The following GLB1 variants were observed in gnomAD, a reference collection of about 807,000 sequenced individuals.
GLB1 encodes galactosidase beta 1, also known as beta-galactosidase.
A neutral mutation model predicts 74.0 loss-of-function variants in GLB1; 56 were observed. The observed-to-expected ratio is 0.76, with a 90% CI of 0.61 to 0.94. The LOEUF (loss-of-function observed/expected upper bound fraction) is 0.94, where lower values mean the gene tolerates loss of function less well. GLB1 is among the 40% of genes least tolerant of loss of function. The pLI is 0.00. For missense variants in GLB1, 787 were observed against 845.5 expected (o/e 0.93, Z 0.86); for synonymous variants, 323 against 323.6 (o/e 1.00, Z 0.02).
At chr3:33,069,391 A>G (rs556487350) in intron 2 of GLB1, among the ~76,000 whole-genome samples, 6 of 151,770 alleles carry the variant, frequency 4.0e-5, no homozygotes, top group Non-Finnish European at 8.9e-5. Context: ...TGTCAAAATA[A>G]AGAAAGAAAA....
downstream of GLB1, among the ~76,000 whole-genome samples, chr3:32,994,211 G>A (rs1260649389): frequency 6.6e-6 from 1 of 152,068 alleles, no homozygotes; most frequent in Non-Finnish European, 1.5e-5. Flanking sequence ...ACAAAATGTG[G>A]TACATCCATA....
chr3:33,026,243 G>A (rs1371283739), intron 10 of GLB1, among the ~76,000 whole-genome samples: 1 of 152,170 alleles, frequency 6.6e-6, no homozygotes, highest in Non-Finnish European at 1.5e-5. Context: ...TTCTCCCAGC[G>A]CCACTCCGAC....
chr3:33,085,274 CAAAAAAAA>C (rs772490092), intron 1 of GLB1, among the ~76,000 whole-genome samples: 1 of 74,132 alleles, frequency 1.3e-5, no homozygotes, highest in South Asian at 5.0e-4. Context: ...GAGTCTGTTT[CAAAAAAAA>C]AAAAAAAAAA....
At chr3:32,999,221 T>C (rs903423366) in intron 15 of GLB1, among the ~76,000 whole-genome samples, 27 of 152,204 alleles carry the variant, frequency 1.8e-4, no homozygotes, top group African/African-American at 6.0e-4. Flanking sequence ...TGGGATATGT[T>C]ATCTCATTCC....
At chr3:33,068,038 A>T (rs995373151) in intron 4 of GLB1, among the ~76,000 whole-genome samples, 192 bp downstream of exon 4, 1 of 151,890 alleles carries the variant, frequency 6.6e-6, no homozygotes, top group African/African-American at 2.4e-5. Flanking sequence ...GGCGCCCACC[A>T]CCATGCCCAG....
chr3:33,065,757 C>T (rs113908693), intron 4 of GLB1, among the ~76,000 whole-genome samples, 200 bp from the exon 5 acceptor site: 14 of 152,258 alleles, frequency 9.2e-5, no homozygotes, highest in South Asian at 8.3e-4. Flanking sequence ...CACCAGATGT[C>T]GGGAGTTCGA....
At chr3:32,991,707 A>T (rs1243804702), downstream of GLB1, among the ~76,000 whole-genome samples, 1 of 152,192 alleles carries the variant, frequency 6.6e-6, no homozygotes, top group Non-Finnish European at 1.5e-5. Flanking sequence ...TGGAAAGACC[A>T]CTTGTAGATG....
intron 1 of GLB1, among the ~76,000 whole-genome samples, chr3:33,087,829 T>C (rs1346779222): frequency 1.3e-5 from 2 of 152,000 alleles, no homozygotes; most frequent in Admixed American, 1.3e-4. Flanking sequence ...ACAATAATAT[T>C]CCTGGTGAAT....
chr3:32,976,062 T>C, the GLB1 span, among the ~76,000 whole-genome samples: 9 of 152,168 alleles, frequency 5.9e-5, no homozygotes, highest in Non-Finnish European at 1.2e-4. Flanking sequence ...CTCAGTAATA[T>C]CTGGTGTTGC....
chr3:33,044,122 A>T (rs1034209420), intron 10 of GLB1, among the ~76,000 whole-genome samples: 3 of 152,222 alleles, frequency 2.0e-5, no homozygotes, highest in Non-Finnish European at 1.5e-5. Flanking sequence ...ATAGTCAACA[A>T]CTGTAAAATA....
At chr3:33,075,319 CCTGT>C (rs1342049012) in intron 1 of GLB1, among the ~76,000 whole-genome samples, 4 of 152,152 alleles carry the variant, frequency 2.6e-5, no homozygotes, top group Middle Eastern at 3.2e-3. Flanking sequence ...TTGAAATCCA[CCTGT>C]CTAAGTGAAA....
In GLB1 at chr3:33,093,615, T is replaced by C; in HGVS notation, c.75+3396A>G. 1 of 1,614,120 alleles carries C rather than the reference T, an allele frequency of 6.2e-7. No individual in the cohort carries two copies. Among genetic ancestry groups the C allele is most frequent in the South Asian group, 1.1e-5 (1 of 91,076 alleles). ...GGCAGGCAGCTGATGGATGGGCACC[T>C]CCACAGTTTTCACAGCCGGGGGCTG... On this transcript the variant is annotated intron_variant, in intron 1 of 15. Transcript: ENST00000307363. The surrounding 1 kb of genome is among the most constrained non-coding windows in gnomAD (Gnocchi z 6.0).
intron 1 of GLB1, chr3:33,090,768 G>C: frequency 1.0e-5 from 10 of 985,344 alleles, no homozygotes; most frequent in Non-Finnish European, 1.2e-5. Flanking sequence ...ACATACGAGA[G>C]GGTGTTGATG....
chr3:33,095,607 C>A (rs1012690178), intron 1 of GLB1, among the ~76,000 whole-genome samples: 4 of 152,160 alleles, frequency 2.6e-5, no homozygotes, highest in Non-Finnish European at 5.9e-5. Flanking sequence ...ATGGCAGCCA[C>A]AGGGCATCCA....
chr3:33,026,882 C>G (rs906808991), intron 10 of GLB1, among the ~76,000 whole-genome samples: 1 of 152,228 alleles, frequency 6.6e-6, no homozygotes. Context: ...CTGAGCTGTT[C>G]TATCGCTCAA....
chr3:33,064,605 CGT>C (rs1424405503), intron 5 of GLB1, among the ~76,000 whole-genome samples: 5 of 150,836 alleles, frequency 3.3e-5, no homozygotes, highest in African/African-American at 1.2e-4. Context: ...GGCGAAACCC[CGT>C]CTCTACTAAA....
rs773964882 is a variant in GLB1 at position 33,074,389 on chromosome 3, G to GAAGAAAGA, written c.76-1684_76-1677dup. ...GGAAGGAAGGAAGGAAGGAAGGAAG[G>GAAGAAAGA]AAGAAAGAAAGAAAGAAAGAATATT... On this transcript the variant is annotated intron_variant, in intron 1 of 15. Coordinates refer to ENST00000307363, the MANE Select transcript of GLB1 (RefSeq NM_000404.4). 1.1e-3 allele frequency among the ~76,000 whole-genome samples: 42 copies of GAAGAAAGA among 38,914 alleles called. 8 individuals carry two copies. The highest frequency in any genetic ancestry group is 0.021 in the Middle Eastern group (2 of 94). The allele number at this position is 38,914 out of a possible 152,430, so 25.5% of individuals were successfully genotyped here.
intron 1 of GLB1, among the ~76,000 whole-genome samples, chr3:33,087,475 AAGG>A (rs2125576303): frequency 6.6e-6 from 1 of 151,950 alleles, no homozygotes; most frequent in South Asian, 2.1e-4. Context: ...GAGGCTGAGG[AAGG>A]AGAATCGCTT....
downstream of GLB1, among the ~76,000 whole-genome samples, chr3:32,994,351 A>G (rs1229789682): frequency 6.6e-6 from 1 of 152,234 alleles, no homozygotes; most frequent in Non-Finnish European, 1.5e-5. Flanking sequence ...ACGGTGGCTG[A>G]AAGATAAATT....
Sources: allele counts gnomAD v4.1 joint callset (sites outside exome capture counted in the v4.1 genomes callset), GRCh38; gene constraint gnomAD v4.1.1; non-coding constraint Gnocchi (gnomAD v3.1); transcripts MANE v1.5; gene names NCBI Gene and HGNC (gene_info 2026-07-23, HGNC 2026-07-21).